Variants in IL1RL2 observed in about 807,000 individuals in gnomAD.
IL1RL2 encodes the protein interleukin-1 receptor-like 2.
IL1RL2 carries 68 observed loss-of-function variants against 66.8 expected under a neutral mutation model. The observed-to-expected ratio is 1.02, with a 90% CI of 0.84 to 1.25. The LOEUF is 1.25. Ranked by LOEUF, IL1RL2 falls within the 50% of genes most tolerant of loss-of-function variation. The pLI is 0.00. For synonymous variants in IL1RL2, 305 were observed against 264.6 expected (o/e 1.15, Z -1.48); for missense variants, 729 against 709.3 (o/e 1.03, Z -0.32).
At chr2:102,187,207 C>A in intron 1 of IL1RL2, 121 bp downstream of exon 1, 1 of 1,219,412 alleles carries the variant, frequency 8.2e-7, no homozygotes, top group Non-Finnish European at 1.1e-6. Context: ...ATCAGGCCCC[C>A]CAGGCCGGCC....
At chr2:102,190,851 T>C (rs753749541) in intron 3 of IL1RL2, among the ~76,000 whole-genome samples, 54 of 152,318 alleles carry the variant, frequency 3.5e-4, no homozygotes, top group African/African-American at 8.9e-4. Flanking sequence ...GGAAAAGTAA[T>C]CTTTAATAGA....
At chr2:102,221,790 C>T (rs1055162567) in intron 8 of IL1RL2, among the ~76,000 whole-genome samples, 2 of 152,190 alleles carry the variant, frequency 1.3e-5, no homozygotes, top group Non-Finnish European at 2.9e-5. Context: ...AGGAGGATAG[C>T]GACTTCCTTC....
At chr2:102,188,133 G>C (rs903974222) in intron 2 of IL1RL2, among the ~76,000 whole-genome samples, 1 of 152,210 alleles carries the variant, frequency 6.6e-6, no homozygotes, top group Non-Finnish European at 1.5e-5. Flanking sequence ...GAGCTTGGAG[G>C]TGACTTCGGG....
At chr2:102,211,386 T>A (rs1309138574) in intron 5 of IL1RL2, among the ~76,000 whole-genome samples, 3 of 151,954 alleles carry the variant, frequency 2.0e-5, no homozygotes, top group Admixed American at 1.3e-4. Flanking sequence ...GGTGGTAGGA[T>A]GAAAGAGTTA....
chr2:102,211,310 G>T (rs2104799544), intron 5 of IL1RL2, among the ~76,000 whole-genome samples: 1 of 152,328 alleles, frequency 6.6e-6, no homozygotes, highest in East Asian at 1.9e-4. Flanking sequence ...GGAGAGGAAA[G>T]AAGTAGAGAA....
chr2:102,204,419 A>C (rs1688527953), intron 5 of IL1RL2, among the ~76,000 whole-genome samples: 1 of 152,082 alleles, frequency 6.6e-6, no homozygotes, highest in South Asian at 2.1e-4. Context: ...AGTGCAGATA[A>C]AGTCAGATGT....
At chr2:102,193,015 G>T (rs960516016) in intron 4 of IL1RL2, among the ~76,000 whole-genome samples, 2 of 151,934 alleles carry the variant, frequency 1.3e-5, no homozygotes, top group Non-Finnish European at 2.9e-5. Flanking sequence ...TCAAAGTAAG[G>T]TTCACCTTCA....
chr2:102,195,641 CTCTCTCTTTCTTTCTT>C (rs1295941287), intron 4 of IL1RL2, among the ~76,000 whole-genome samples: 746 of 31,666 alleles, frequency 0.024, 55 homozygotes, highest in South Asian at 0.066. Flanking sequence ...CTCTCTCTCT[CTCTCTCTTTCTTTCTT>C]TCTTTCTTTC....
At chr2:102,213,189 C>G (rs920729227) in intron 6 of IL1RL2, among the ~76,000 whole-genome samples, 1 of 152,122 alleles carries the variant, frequency 6.6e-6, no homozygotes, top group South Asian at 2.1e-4. Context: ...TTAACATACT[C>G]TTGCTTTGAG....
chr2:102,214,941 A>G (rs1224182481), intron 6 of IL1RL2, among the ~76,000 whole-genome samples: 1 of 149,456 alleles, frequency 6.7e-6, no homozygotes, highest in Non-Finnish European at 1.5e-5. Flanking sequence ...AAATGATGGA[A>G]TCCCTGTGGA....
At chr2:102,196,335 G>GTA (rs1687781046) in intron 4 of IL1RL2, among the ~76,000 whole-genome samples, 1 of 152,162 alleles carries the variant, frequency 6.6e-6, no homozygotes, top group Non-Finnish European at 1.5e-5. Context: ...GTGTAAGCAG[G>GTA]AGGGGTCACC....
intron 9 of IL1RL2, among the ~76,000 whole-genome samples, chr2:102,230,591 C>A (rs1578192880): frequency 6.6e-6 from 1 of 152,232 alleles, no homozygotes; most frequent in African/African-American, 2.4e-5. Context: ...TGCGCCCGGT[C>A]CTGCTCCAGT....
chr2:102,242,586 T>C (rs544716550), downstream of IL1RL2, among the ~76,000 whole-genome samples: 1 of 152,280 alleles, frequency 6.6e-6, no homozygotes, highest in East Asian at 1.9e-4. Flanking sequence ...AGGCAGATCT[T>C]GAAAAGGGGT....
At chr2:102,188,404 G>A (rs1210080182) in intron 2 of IL1RL2, among the ~76,000 whole-genome samples, 2 of 151,974 alleles carry the variant, frequency 1.3e-5, no homozygotes, top group African/African-American at 2.4e-5. Context: ...CTAACACGGT[G>A]AAACCCCGTC....
chr2:102,188,998 A>G, intron 2 of IL1RL2, 78 bp from the exon 3 acceptor site: 2 of 1,078,542 alleles, frequency 1.9e-6, no homozygotes, highest in South Asian at 1.5e-5. Context: ...TTGAAGAGGC[A>G]TTTAAAAAAA....
At position 102,234,615 on chromosome 2, in the gene IL1RL2, C is replaced by T. The variant is rs149853964; in HGVS notation, c.1298-282C>T. ...TCAACACCAGCTTGTGGTAAAACCC[C>T]GTTTCTACTAAAAATGCAAAAATTA... is the stretch of plus-strand genomic sequence containing the variant. On this transcript the variant is annotated intron_variant, in intron 10 of 11. Transcript: ENST00000264257. Among the ~76,000 whole-genome samples, 626 of 152,144 alleles carry T rather than the reference C, an allele frequency of 4.1e-3. 2 individuals carry two copies. The highest frequency in any genetic ancestry group is 8.0e-3 in the Admixed American group (123 of 15,284).
downstream of IL1RL2, among the ~76,000 whole-genome samples, chr2:102,241,163 G>C (rs1675221642): frequency 1.3e-5 from 2 of 152,364 alleles, no homozygotes; most frequent in South Asian, 4.1e-4. Context: ...TTAAGGCCAA[G>C]GATATCTTTC....
At chr2:102,195,938 T>C (rs1687746824) in intron 4 of IL1RL2, among the ~76,000 whole-genome samples, 1 of 152,024 alleles carries the variant, frequency 6.6e-6, no homozygotes, top group Non-Finnish European at 1.5e-5. Flanking sequence ...TGTCTCAAAC[T>C]ACTGACCTCA....
intron 11 of IL1RL2, chr2:102,236,000 G>T: frequency 1.1e-6 from 1 of 944,806 alleles, no homozygotes; most frequent in Non-Finnish European, 1.3e-6. Flanking sequence ...ATGTCAACCA[G>T]AATTCTGAGC....
Sources: gnomAD v4.1 joint callset for allele counts (sites outside exome capture counted in the v4.1 genomes callset) on GRCh38, gnomAD v4.1.1 for gene constraint, MANE v1.5 for transcripts, NCBI Gene and HGNC (gene_info 2026-07-23, HGNC 2026-07-21) for gene names.